TCF12: variants seen among roughly 807,000 people sequenced by gnomAD.
TCF12 encodes DNA-binding protein HTF4.
Under a neutral mutation model 86.0 loss-of-function variants are expected in TCF12, and 45 were observed. The observed-to-expected ratio is 0.52, with a 90% confidence interval of 0.41 to 0.67. TCF12 has a LOEUF of 0.67. Ranked by LOEUF, TCF12 falls within the 30% of genes least tolerant of loss-of-function variation. The pLI is 0.00. For synonymous variants in TCF12, 330 were observed against 299.6 expected, an observed-to-expected ratio of 1.10 and a Z score of -1.05; for missense variants, 881 against 859.9, an observed-to-expected ratio of 1.02 and a Z score of -0.31.
At chr15:57,094,938 A>C (rs1209160213) in intron 5 of TCF12, among the ~76,000 whole-genome samples, 1 of 152,206 alleles carries the variant, frequency 6.6e-6, no homozygotes, top group Non-Finnish European at 1.5e-5. Flanking sequence ...ACATTGCAAA[A>C]ATGAGAAATT....
chr15:57,060,069 C>G (rs1262933631), intron 3 of TCF12, among the ~76,000 whole-genome samples: 1 of 152,176 alleles, frequency 6.6e-6, no homozygotes, highest in African/African-American at 2.4e-5. Context: ...TTACCTGTTC[C>G]TCTAAGAGTC....
At chr15:57,225,570 A>T (rs2058837529) in intron 8 of TCF12, among the ~76,000 whole-genome samples, 1 of 152,076 alleles carries the variant, frequency 6.6e-6, no homozygotes, top group Non-Finnish European at 1.5e-5. Context: ...TTATCTGAGG[A>T]TGTATATAAG....
At chr15:57,113,881 A>T (rs761004166) in intron 5 of TCF12, among the ~76,000 whole-genome samples, 3 of 151,878 alleles carry the variant, frequency 2.0e-5, no homozygotes, top group Non-Finnish European at 4.4e-5. Context: ...GCTTGAGCCC[A>T]GGAGGTAGAG....
intron 3 of TCF12, among the ~76,000 whole-genome samples, chr15:57,045,538 C>T (rs72751021): frequency 0.094 from 14,233 of 151,552 alleles, 861 homozygotes; most frequent in South Asian, 0.17. Flanking sequence ...TATTTGTTTG[C>T]GTTATTGTTT....
chr15:57,208,309 G>A (rs1021116866), intron 8 of TCF12, among the ~76,000 whole-genome samples: 1 of 150,034 alleles, frequency 6.7e-6, no homozygotes, highest in African/African-American at 2.5e-5. Context: ...TGGGATTACA[G>A]TTGTGAGCCA....
chr15:57,226,513 A>G (rs2058888062), intron 8 of TCF12, among the ~76,000 whole-genome samples: 1 of 152,134 alleles, frequency 6.6e-6, no homozygotes, highest in African/African-American at 2.4e-5. Context: ...AACATATGGG[A>G]ACTTAAAGAG....
chr15:57,108,347 C>T (rs1214110510), intron 5 of TCF12, among the ~76,000 whole-genome samples: 1 of 152,120 alleles, frequency 6.6e-6, no homozygotes, highest in East Asian at 1.9e-4. Flanking sequence ...ACCCTAGAGG[C>T]AAGATAGAAA....
chr15:57,064,209 A>G (rs1190000558), intron 4 of TCF12, among the ~76,000 whole-genome samples: 1 of 152,168 alleles, frequency 6.6e-6, no homozygotes, highest in Non-Finnish European at 1.5e-5. Context: ...TTCAACAGTC[A>G]TCAGCCCTTT....
intron 3 of TCF12, among the ~76,000 whole-genome samples, chr15:56,992,617 G>A (rs1337541051): frequency 6.6e-6 from 1 of 152,178 alleles, no homozygotes; most frequent in African/African-American, 2.4e-5. Context: ...AAAGGCTAAA[G>A]AGTGAGGAAG....
intron 8 of TCF12, among the ~76,000 whole-genome samples, chr15:57,223,654 T>TTTTTTTTTTTTTTTTG (rs2058723364): frequency 7.7e-6 from 1 of 129,964 alleles, no homozygotes; most frequent in Non-Finnish European, 1.7e-5. Context: ...TTTTTTTTTT[T>TTTTTTTTTTTTTTTTG]TTTTTTTTTT....
chr15:57,201,070 C>T (rs1211718700), intron 8 of TCF12, among the ~76,000 whole-genome samples: 4 of 152,114 alleles, frequency 2.6e-5, no homozygotes, highest in Non-Finnish European at 2.9e-5. Flanking sequence ...GCATAGTTTT[C>T]TTCCTCCTGA....
intron 3 of TCF12, among the ~76,000 whole-genome samples, chr15:57,017,726 CTTTTT>C (rs34230192): frequency 7.7e-5 from 10 of 130,540 alleles, no homozygotes; most frequent in South Asian, 4.9e-4. Flanking sequence ...AATTTTCTTT[CTTTTT>C]TTTTTTTTTT....
intron 3 of TCF12, among the ~76,000 whole-genome samples, chr15:56,931,426 G>A (rs1275472247): frequency 6.6e-6 from 1 of 152,058 alleles, no homozygotes; most frequent in Non-Finnish European, 1.5e-5. Flanking sequence ...TCCCCATTTT[G>A]TATATATAAG....
At chr15:57,048,487 T>C (rs1257150088) in intron 3 of TCF12, among the ~76,000 whole-genome samples, 2 of 152,174 alleles carry the variant, frequency 1.3e-5, no homozygotes, top group African/African-American at 4.8e-5. Flanking sequence ...GGTCTCCATC[T>C]CCTGACCTCA....
intron 3 of TCF12, among the ~76,000 whole-genome samples, chr15:56,979,789 A>G (rs549940577): frequency 1.1e-4 from 17 of 152,210 alleles, no homozygotes; most frequent in Non-Finnish European, 2.1e-4. Context: ...TATTCCTGCT[A>G]TCTAAATGTT....
At chr15:57,255,251 A>G (rs1474980697) in intron 16 of TCF12, among the ~76,000 whole-genome samples, 5 of 152,182 alleles carry the variant, frequency 3.3e-5, no homozygotes, top group Admixed American at 3.3e-4. Flanking sequence ...TTTTTTTACC[A>G]ATTTCAGATA....
intron 4 of TCF12, among the ~76,000 whole-genome samples, chr15:57,085,752 A>T (rs1414448985): frequency 6.6e-6 from 1 of 152,146 alleles, no homozygotes; most frequent in Non-Finnish European, 1.5e-5. Context: ...CCATTTTATT[A>T]ATATTTCACT....
intron 3 of TCF12, among the ~76,000 whole-genome samples, chr15:56,970,463 G>C (rs1383618624): frequency 1.9e-5 from 2 of 107,254 alleles, no homozygotes; most frequent in African/African-American, 7.6e-5. Context: ...CTGGGCAACA[G>C]AGCGAGACTC....
At chr15:56,954,287 T>C (rs1241934232) in intron 3 of TCF12, among the ~76,000 whole-genome samples, 5 of 152,194 alleles carry the variant, frequency 3.3e-5, no homozygotes, top group African/African-American at 1.2e-4. Flanking sequence ...GGATCTGATC[T>C]TTGACAAACC....
Sources: allele counts gnomAD v4.1 joint callset (sites outside exome capture counted in the v4.1 genomes callset), GRCh38; gene constraint gnomAD v4.1.1; transcripts MANE v1.5; gene names NCBI Gene and HGNC (gene_info 2026-07-23, HGNC 2026-07-21).